The following SERBP1 variants were observed in gnomAD, a reference collection of about 807,000 sequenced individuals.
SERBP1 encodes the protein SERPINE1 mRNA-binding protein 1.
Under a neutral mutation model 50.2 loss-of-function variants are expected in SERBP1, and 6 were observed. The observed-to-expected ratio is 0.12, with a 90% CI of 0.07 to 0.24. SERBP1 has a LOEUF of 0.24. Ranked by LOEUF, SERBP1 falls within the 10% of genes least tolerant of loss-of-function variation. The probability of loss-of-function intolerance (pLI) is 1.00; values close to 1 mark genes in which losing one functional copy is unlikely to be tolerated. For synonymous variants in SERBP1, 168 were observed against 182.8 expected (o/e 0.92, Z 0.65); for missense variants, 346 against 524.9 (o/e 0.66, Z 3.33).
At chr1:67,425,817 T>TA (rs1353975656) in intron 2 of SERBP1, among the ~76,000 whole-genome samples, 2 of 152,210 alleles carry the variant, frequency 1.3e-5, no homozygotes, top group African/African-American at 4.8e-5. Context: ...AGCTTAACAT[T>TA]AAAATGTGAC....
At chr1:67,424,112 A>T (rs1667293095) in intron 5 of SERBP1, 88 bp downstream of exon 5, 1 of 1,338,622 alleles carries the variant, frequency 7.5e-7, no homozygotes, top group African/African-American at 1.5e-5. Context: ...GCCATCAAGT[A>T]ACAGCATTAA....
rs776298414 is a variant in SERBP1 at position 67,430,347 on chromosome 1, G to T, written c.-47C>A. The T allele has an allele frequency of 2.7e-6, 4 of 1,488,754 alleles. No individual in the cohort carries two copies. Among genetic ancestry groups the T allele is most frequent in the Admixed American group, 4.8e-5 (2 of 41,604 alleles). 92.2% of individuals were successfully genotyped at this position (1,488,754 alleles called of 1,614,324 possible). Reference sequence around the variant, plus strand: ...TCCTCCACGGATTGCAGCGGGCCGCGCCGAGCCAAGAGCGCCTGCTTCAGC... The same window carrying T: ...TCCTCCACGGATTGCAGCGGGCCGCTCCGAGCCAAGAGCGCCTGCTTCAGC... On this transcript the variant is annotated 5_prime_UTR_variant, in exon 1 of 8. Transcript: ENST00000361219.
In SERBP1 at chr1:67,426,185, G is replaced by A. The variant is rs1396206557; in HGVS notation, c.414C>T (p.Phe138=). 20 of 1,608,000 alleles carry A rather than the reference G, an allele frequency of 1.2e-5. No individual in the cohort carries two copies. The highest frequency in any genetic ancestry group is 3.3e-5 in the South Asian group (3 of 89,940). ...CACCCTTTTCTTCAAGTGGCTTTTC[G>A]AATCTTCGTTCACGAGGTGGTCGCC... ...PERRPPRERR[F]EKPLEEKGEG... The change falls in exon 2 of 8, where the codon TTC becomes TTT. Residue 138 remains phenylalanine, a synonymous_variant. Coordinates refer to ENST00000361219, the MANE Select transcript of SERBP1 (RefSeq NM_001018069.2).
At chr1:67,429,959 G>A (rs777380442) in intron 1 of SERBP1, 29 bp downstream of exon 1, 1 of 1,559,992 alleles carries the variant, frequency 6.4e-7, no homozygotes, top group African/African-American at 1.4e-5. Flanking sequence ...CTCCATCCCA[G>A]TCTCCCCCAC....
rs910347320 is a variant in SERBP1, at chr1:67,430,092, A to T, written c.209T>A (p.Leu70Gln). ...QTNSNAAGKQ[L>Q]RKESQKDRKN... ...GCGGTCTTTCTGGGACTCCTTGCGC[A>T]GCTGTTTGCCTGCCGCGTTGGAGTT... The change falls in exon 1 of 8, where the codon CTG (leucine) becomes CAG (glutamine). Residue 70 changes from leucine (L) to glutamine (Q), a missense_variant. Coordinates refer to ENST00000361219, the MANE Select transcript of SERBP1 (RefSeq NM_001018069.2). 3.3e-5 allele frequency: 54 copies of T among 1,612,886 alleles called. No individual in the cohort carries two copies. Among genetic ancestry groups the T allele is most frequent in the Non-Finnish European group, 4.6e-5 (54 of 1,179,850 alleles).
chr1:67,426,251 T>C lies in SERBP1; in HGVS notation c.348A>G (p.Gln116=). The C allele has an allele frequency of 6.2e-7, 1 of 1,603,434 alleles. No individual in the cohort carries two copies. Among genetic ancestry groups the C allele is most frequent in the Non-Finnish European group, 8.5e-7 (1 of 1,175,204 alleles). Residue 116 remains glutamine, a synonymous_variant, in exon 2 of 8, where the codon CAA becomes CAG. Transcript: ENST00000361219. ...IRRVGRRPDQ[Q]LQGEGKIIDR... The stretch of plus-strand genomic sequence containing the variant: ...CAATTATTTTCCCTTCACCCTGAAG[T>C]TGTTGATCAGGTCTTCTTCCAACTC...
chr1:67,420,222 G>A (rs1452696687), intron 5 of SERBP1, 36 bp from the exon 6 acceptor site: 3 of 1,439,280 alleles, frequency 2.1e-6, no homozygotes, highest in South Asian at 2.5e-5. Context: ...ACCTGGTAGA[G>A]AGCTGATATT....
chr1:67,424,410 A>G, intron 4 of SERBP1, 133 bp from the exon 5 acceptor site: 1 of 1,158,766 alleles, frequency 8.6e-7, no homozygotes, highest in Non-Finnish European at 1.2e-6. Context: ...AAGCTCTCAC[A>G]TTCTCTAACT....
At chr1:67,428,068 G>A (rs909151300) in intron 1 of SERBP1, among the ~76,000 whole-genome samples, 9 of 152,252 alleles carry the variant, frequency 5.9e-5, no homozygotes, top group Admixed American at 1.3e-4. Context: ...TACATGCAGC[G>A]ACTTTGTTTA....
chr1:67,417,362 G>A (rs1021545006), intron 6 of SERBP1: 4 of 152,246 alleles, frequency 2.6e-5, no homozygotes, highest in East Asian at 1.9e-4. Context: ...TAGGGAAAAC[G>A]TGTTTAGGCT....
chr1:67,426,136 T>C lies in SERBP1; in HGVS notation c.463A>G (p.Arg155Gly). 6.2e-7 allele frequency: 1 copy of C among 1,604,394 alleles called. No homozygotes were observed. Among genetic ancestry groups the C allele is most frequent in the Non-Finnish European group, 8.5e-7 (1 of 1,176,770 alleles). ...GCTCAAAAACAAGAAACAACTTACC[T>C]ATCAACTGAAAATTCGCCTCCTTCA... ...KGEGGEFSVD[R>G]PIIDRPIRGR... The change falls in exon 2 of 8, where the codon AGA (arginine) becomes GGA (glycine). Residue 155 changes from arginine to glycine, a missense_variant and splice_region_variant. Transcript: ENST00000361219.
At position 67,410,993 on chromosome 1, in the gene SERBP1, C is replaced by G. The variant is rs534660851; in HGVS notation, c.*2214G>C. 6.6e-6 allele frequency: 1 copy of G among 152,028 alleles called. No homozygotes were observed. Among genetic ancestry groups the G allele is most frequent in the Non-Finnish European group, 1.5e-5 (1 of 67,974 alleles). The allele number at this position is 152,028 out of a possible 1,614,324, so 9.4% of individuals were successfully genotyped here. ...CAGGGGTGTGCACACAGGTCAGAAA[C>G]CAGGAAACACATGACAATAAACATG... On this transcript the variant is annotated 3_prime_UTR_variant, in exon 8 of 8. Transcript: ENST00000361219.
chr1:67,422,530 G>C (rs1341250621), intron 5 of SERBP1, among the ~76,000 whole-genome samples: 1 of 150,592 alleles, frequency 6.6e-6, no homozygotes, highest in Non-Finnish European at 1.5e-5. Context: ...AAAGAAAAAA[G>C]AAAAAGTTTA....
chr1:67,428,691 C>T (rs1294637757), intron 1 of SERBP1, among the ~76,000 whole-genome samples: 1 of 149,218 alleles, frequency 6.7e-6, no homozygotes, highest in Non-Finnish European at 1.5e-5. Context: ...TTTTATTCAC[C>T]ACCTAGGACC....
At chr1:67,426,536 C>T (rs1312584463) in intron 1 of SERBP1, among the ~76,000 whole-genome samples, 1 of 152,162 alleles carries the variant, frequency 6.6e-6, no homozygotes, top group African/African-American at 2.4e-5. Context: ...TTATTTTAAA[C>T]TTCTATTTAA....
intron 7 of SERBP1, 66 bp from the exon 8 acceptor site, chr1:67,413,329 T>C: frequency 7.3e-7 from 1 of 1,377,218 alleles, no homozygotes; most frequent in South Asian, 1.4e-5. Context: ...TTAGCTAGTG[T>C]CTACATTAAG....
intron 5 of SERBP1, among the ~76,000 whole-genome samples, chr1:67,423,940 T>C (rs2100435422): frequency 6.6e-6 from 1 of 152,292 alleles, no homozygotes; most frequent in Admixed American, 6.5e-5. Context: ...CCCAGCACTT[T>C]GGGAGGCCAA....
chr1:67,422,467 G>A (rs1469527667), intron 5 of SERBP1, among the ~76,000 whole-genome samples: 1 of 150,570 alleles, frequency 6.6e-6, no homozygotes. Context: ...CCGAGATCAC[G>A]CCATTGCACT....
At chr1:67,428,958 C>T (rs1228426641) in intron 1 of SERBP1, among the ~76,000 whole-genome samples, 1 of 152,136 alleles carries the variant, frequency 6.6e-6, no homozygotes, top group Non-Finnish European at 1.5e-5. Flanking sequence ...TGATCATGCA[C>T]GTTCTTATCT....
Sources: allele counts gnomAD v4.1 joint callset (sites outside exome capture counted in the v4.1 genomes callset), GRCh38; gene constraint gnomAD v4.1.1; transcripts MANE v1.5; gene names NCBI Gene and HGNC (gene_info 2026-07-23, HGNC 2026-07-21).